USP25: variants seen among roughly 807,000 people sequenced by gnomAD.
USP25 encodes ubiquitin specific peptidase 25, also known as ubiquitin carboxyl-terminal hydrolase 25.
In USP25, 85 loss-of-function variants were observed where a neutral mutation model predicts 158.5. That is an observed-to-expected ratio of 0.54 (90% CI 0.45 to 0.64). USP25 has a LOEUF of 0.64. USP25 is among the 30% of genes least tolerant of loss of function. The pLI, the probability that USP25 is intolerant of heterozygous loss-of-function variation, is 0.00. For synonymous variants in USP25, 464 were observed against 460.4 expected (o/e 1.01, Z -0.10); for missense variants, 1,242 against 1,327.3 (o/e 0.94, Z 1.00).
chr21:15,740,641 G>GTTTTTTTT (rs60616271), intron 1 of USP25, among the ~76,000 whole-genome samples: 135 of 41,262 alleles, frequency 3.3e-3, no homozygotes, highest in Non-Finnish European at 6.2e-3. Flanking sequence ...CTTTCTGGCT[G>GTTTTTTTT]TTTTTTTTTT....
intron 1 of USP25, among the ~76,000 whole-genome samples, chr21:15,747,672 G>T (rs986981080): frequency 1.3e-5 from 2 of 152,030 alleles, no homozygotes; most frequent in African/African-American, 2.4e-5. Flanking sequence ...CTACTAAGTG[G>T]GTAGTATACA....
At chr21:15,871,133 T>C in intron 23 of USP25, among the ~76,000 whole-genome samples, 1 of 152,300 alleles carries the variant, frequency 6.6e-6, no homozygotes, top group East Asian at 1.9e-4. Flanking sequence ...GTTATCAAAA[T>C]TTTTAGTTAT....
At chr21:15,830,828 A>T (rs2037764906) in intron 15 of USP25, among the ~76,000 whole-genome samples, 1 of 152,178 alleles carries the variant, frequency 6.6e-6, no homozygotes, top group African/African-American at 2.4e-5. Flanking sequence ...AGTTTTCCCC[A>T]TTCAGTTGTA....
Position 15,799,767 on chromosome 21 carries a change from A to G in USP25, c.566A>G (p.Asn189Ser). 1 of 1,593,302 alleles carries G rather than the reference A, an allele frequency of 6.3e-7. No individual in the cohort carries two copies. The highest frequency in any genetic ancestry group is 8.6e-7 in the Non-Finnish European group (1 of 1,169,512). The change falls in exon 6 of 26, where the codon AAT becomes AGT. Residue 189 changes from asparagine (N) to serine (S), a missense_variant. Physicochemically the swap from Asn to Ser is conservative, Grantham distance 46. Coordinates refer to ENST00000400183, the MANE Select transcript of USP25 (RefSeq NM_001283041.3). Reference sequence around the variant, plus strand: ...GTTGTTCTTTTTCAGTCATTATTTAATCTTTTGGAATTTAGAAGATTAGTT... The same window carrying G: ...GTTGTTCTTTTTCAGTCATTATTTAGTCTTTTGGAATTTAGAAGATTAGTT... ...WFSAVIQSLF[N>S]LLEFRRLVLN... is the part of the protein sequence containing the mutation.
intron 23 of USP25, among the ~76,000 whole-genome samples, chr21:15,873,523 C>T (rs1420536893): frequency 1.0e-4 from 15 of 149,988 alleles, no homozygotes; most frequent in Non-Finnish European, 1.5e-4. Flanking sequence ...TTTTTTGAGA[C>T]GGAGTTTTGC....
rs187685712 is a variant in USP25, at chr21:15,776,446, C to T, written c.269-1458C>T. 3.1e-3 allele frequency among the ~76,000 whole-genome samples: 470 copies of T among 151,986 alleles called. 5 individuals carry two copies. The highest frequency in any genetic ancestry group is 0.02 in the Middle Eastern group (6 of 294). The stretch of plus-strand genomic sequence containing the variant: ...ACGTGTGGATAAAAATAGAAGTAGA[C>T]TCTGGAAAATATCAATATACATTAC... On this transcript the variant is annotated intron_variant, in intron 3 of 25. Coordinates refer to ENST00000400183, the MANE Select transcript of USP25 (RefSeq NM_001283041.3).
chr21:15,734,928 C>T (rs1467770431), intron 1 of USP25, among the ~76,000 whole-genome samples: 1 of 152,080 alleles, frequency 6.6e-6, no homozygotes, highest in Admixed American at 6.5e-5. Flanking sequence ...TTCTTACAAA[C>T]TTTTTTCATT....
In USP25 at chr21:15,799,801, C is replaced by T. The variant is rs145412058; in HGVS notation, c.600C>T (p.Tyr200=). ...AATTTAGAAGATTAGTTCTGAATTACAAGCCTCCATCAAATGCTCAAGATT... is the reference window on the plus strand; with the variant it reads ...AATTTAGAAGATTAGTTCTGAATTATAAGCCTCCATCAAATGCTCAAGATT... ...LLEFRRLVLN[Y]KPPSNAQDLP... is the part of the protein sequence containing the mutation. Residue 200 remains tyrosine (Y), a synonymous_variant, in exon 6 of 26, where the codon TAC becomes TAT. Coordinates refer to ENST00000400183, the MANE Select transcript of USP25 (RefSeq NM_001283041.3). 6.2e-7 allele frequency: 1 copy of T among 1,601,572 alleles called. No individual in the cohort carries two copies.
chr21:15,743,787 G>GGTCTACTGTGGCGCCTGCCTAGGAATTT (rs1374090598), intron 1 of USP25, among the ~76,000 whole-genome samples: 36 of 151,920 alleles, frequency 2.4e-4, no homozygotes, highest in East Asian at 3.9e-4. Context: ...CCTAGGAATT[G>GGTCTACTGTGGCGCCTGCCTAGGAATTT]GTCTACTGTG....
Position 15,822,272 on chromosome 21 carries a change from A to G in USP25, c.1081-1767A>G, listed in dbSNP as rs371688684. 4.4e-3 allele frequency among the ~76,000 whole-genome samples: 674 copies of G among 152,118 alleles called. 3 individuals are homozygous for G. Among genetic ancestry groups the G allele is most frequent in the Non-Finnish European group, 6.1e-3 (413 of 67,860 alleles). ...AATTTACAGAATGTCTGGTTATCTCATCTTGTCCCCATCAGCTTTAGAATG... is the reference window on the plus strand; with the variant it reads ...AATTTACAGAATGTCTGGTTATCTCGTCTTGTCCCCATCAGCTTTAGAATG... On this transcript the variant is annotated intron_variant, in intron 10 of 25. Coordinates refer to ENST00000400183, the MANE Select transcript of USP25 (RefSeq NM_001283041.3).
In USP25 at chr21:15,824,197, T is replaced by C. The variant is rs2037374629; in HGVS notation, c.1208+31T>C. 3.1e-6 allele frequency: 5 copies of C among 1,604,492 alleles called. No homozygotes were observed. The East Asian group carries it at 1.1e-4, about 36-fold the overall frequency. On this transcript the variant is annotated intron_variant, in intron 11 of 25. Transcript: ENST00000400183. ...GTTTGATATACTGCATGACTTAGTT[T>C]GAAACAGTTTAGTAAGGGAGAAAAT...
chr21:15,739,737 A>G (rs2031862219), intron 1 of USP25, among the ~76,000 whole-genome samples: 1 of 152,048 alleles, frequency 6.6e-6, no homozygotes, highest in Non-Finnish European at 1.5e-5. Flanking sequence ...CAATATAATC[A>G]CTGATTTTTG....
intron 22 of USP25, among the ~76,000 whole-genome samples, chr21:15,866,752 A>T (rs1357998026): frequency 6.6e-6 from 1 of 152,124 alleles, no homozygotes; most frequent in Non-Finnish European, 1.5e-5. Flanking sequence ...TAAGCCCTTT[A>T]CATATATTAA....
In USP25 at chr21:15,875,327, A is replaced by G. The variant is rs146947046; in HGVS notation, c.3009+801A>G. Reference sequence around the variant, plus strand: ...CTCTGAAACCTTCAAAAAATGGTATAATGTTTCTCATCATTTTTTGTAGTA... The same window carrying G: ...CTCTGAAACCTTCAAAAAATGGTATGATGTTTCTCATCATTTTTTGTAGTA... On this transcript the variant is annotated intron_variant, in intron 24 of 25. Transcript: ENST00000400183. The surrounding 1 kb of genome is among the most constrained non-coding windows in gnomAD (Gnocchi z 4.7). Among the ~76,000 whole-genome samples, 337 of 152,318 alleles carry G rather than the reference A, an allele frequency of 2.2e-3. 2 individuals are homozygous for G. Among genetic ancestry groups the G allele is most frequent in the African/African-American group, 7.7e-3 (319 of 41,562 alleles).
chr21:15,752,144 G>A (rs1373209316), intron 1 of USP25, among the ~76,000 whole-genome samples: 1 of 152,114 alleles, frequency 6.6e-6, no homozygotes, highest in African/African-American at 2.4e-5. Context: ...TGTTGGTCAG[G>A]ATGGTCTCGA....
At chr21:15,824,565 T>A (rs943681222) in intron 11 of USP25, among the ~76,000 whole-genome samples, 1 of 152,006 alleles carries the variant, frequency 6.6e-6, no homozygotes, top group Non-Finnish European at 1.5e-5. Context: ...TGTTTTCCTG[T>A]CTTTCTTTCT....
chr21:15,736,223 G>A (rs1292611125), intron 1 of USP25, among the ~76,000 whole-genome samples: 1 of 151,794 alleles, frequency 6.6e-6, no homozygotes, highest in Non-Finnish European at 1.5e-5. Context: ...TCAGCCTTCT[G>A]AGTAGCTGGG....
chr21:15,767,837 A>C (rs1323641204), intron 3 of USP25, among the ~76,000 whole-genome samples: 1 of 152,062 alleles, frequency 6.6e-6, no homozygotes, highest in African/African-American at 2.4e-5. Context: ...GAAAAGGGGA[A>C]AATTAGGATT....
chr21:15,809,997 G>C (rs973078279), intron 8 of USP25, among the ~76,000 whole-genome samples: 2 of 152,212 alleles, frequency 1.3e-5, no homozygotes, highest in Non-Finnish European at 2.9e-5. Flanking sequence ...GCTGGGGGGA[G>C]GGGGAGATGA....
Sources: allele counts gnomAD v4.1 joint callset (sites outside exome capture counted in the v4.1 genomes callset), GRCh38; gene constraint gnomAD v4.1.1; non-coding constraint Gnocchi (gnomAD v3.1); transcripts MANE v1.5; gene names NCBI Gene and HGNC (gene_info 2026-07-23, HGNC 2026-07-21).